The following SAMD12 variants were observed in gnomAD, a reference collection of about 807,000 sequenced individuals.
SAMD12 encodes the protein sterile alpha motif domain-containing protein 12.
Under a neutral mutation model 15.0 loss-of-function variants are expected in SAMD12, and 9 were observed. That is an observed-to-expected ratio of 0.60 (90% CI 0.36 to 1.05). The LOEUF (loss-of-function observed/expected upper bound fraction) is 1.05, where lower values mean the gene tolerates loss of function less well. Among genes scored for constraint, SAMD12 ranks in the 50% least tolerant of loss-of-function variants. SAMD12 has a pLI of 0.01. For missense variants in SAMD12, 230 were observed against 234.2 expected (o/e 0.98, Z 0.12); for synonymous variants, 86 against 90.1 (o/e 0.96, Z 0.25).
At chr8:118,226,418 A>G (rs1347123589) in intron 4 of SAMD12, among the ~76,000 whole-genome samples, 1 of 152,228 alleles carries the variant, frequency 6.6e-6, no homozygotes, top group African/African-American at 2.4e-5. Flanking sequence ...AACCAAAAGC[A>G]TCAGATGGAT....
chr8:118,410,171 A>G (rs1288610065), intron 3 of SAMD12, among the ~76,000 whole-genome samples: 4 of 152,196 alleles, frequency 2.6e-5, no homozygotes, highest in Non-Finnish European at 5.9e-5. Flanking sequence ...TACACATATT[A>G]AGGGTACATG....
At chr8:118,390,951 T>A (rs561406182) in intron 3 of SAMD12, among the ~76,000 whole-genome samples, 1 of 152,298 alleles carries the variant, frequency 6.6e-6, no homozygotes, top group African/African-American at 2.4e-5. Context: ...GGAATAACAT[T>A]AATTCCCACC....
intron 4 of SAMD12, among the ~76,000 whole-genome samples, chr8:118,255,207 TATTTC>T (rs1812907924): frequency 6.6e-6 from 1 of 152,034 alleles, no homozygotes; most frequent in Non-Finnish European, 1.5e-5. Context: ...CCTTACCCTT[TATTTC>T]ATAAGTTATG....
intron 2 of SAMD12, among the ~76,000 whole-genome samples, chr8:118,535,656 C>A (rs1825818375): frequency 6.6e-6 from 1 of 152,350 alleles, no homozygotes; most frequent in East Asian, 1.9e-4. Flanking sequence ...GGCGGGCGCC[C>A]CTCCCCCAGC....
chr8:118,606,151 C>A (rs899851064), intron 1 of SAMD12, among the ~76,000 whole-genome samples: 1 of 152,038 alleles, frequency 6.6e-6, no homozygotes, highest in Non-Finnish European at 1.5e-5. Flanking sequence ...ACCTTGGAGA[C>A]CCCCAAGATC....
the SAMD12 span, among the ~76,000 whole-genome samples, chr8:118,150,898 T>C: frequency 6.6e-6 from 1 of 152,100 alleles, no homozygotes; most frequent in African/African-American, 2.4e-5. Context: ...AAAGGTATTT[T>C]TTTGGAGTAT....
chr8:118,266,625 GTA>G (rs1813205562), intron 4 of SAMD12, among the ~76,000 whole-genome samples: 1 of 152,092 alleles, frequency 6.6e-6, no homozygotes, highest in South Asian at 2.1e-4. Context: ...AGAAAATGTG[GTA>G]TATATGCACA....
the SAMD12 span, among the ~76,000 whole-genome samples, chr8:118,169,497 T>C: frequency 2.6e-5 from 4 of 152,338 alleles, no homozygotes; most frequent in African/African-American, 9.6e-5. Context: ...TCTTTGTTCC[T>C]GTGGGAATAC....
intron 4 of SAMD12, among the ~76,000 whole-genome samples, chr8:118,255,883 C>T (rs1312252164): frequency 1.3e-5 from 2 of 152,026 alleles, no homozygotes; most frequent in Non-Finnish European, 2.9e-5. Context: ...AATGGGATGG[C>T]TGGGTCAAAT....
At chr8:118,498,884 T>C (rs1460835810) in intron 2 of SAMD12, among the ~76,000 whole-genome samples, 3 of 152,182 alleles carry the variant, frequency 2.0e-5, no homozygotes, top group Non-Finnish European at 1.5e-5. Context: ...TCAGACAGTA[T>C]AGTGTCTTGT....
intron 2 of SAMD12, among the ~76,000 whole-genome samples, chr8:118,510,597 C>T (rs1825052115): frequency 6.6e-6 from 1 of 152,144 alleles, no homozygotes; most frequent in Admixed American, 6.5e-5. Flanking sequence ...GCAACACCCT[C>T]CCCCAGGGTT....
intron 4 of SAMD12, among the ~76,000 whole-genome samples, chr8:118,312,907 G>T (rs1315848527): frequency 6.6e-6 from 1 of 152,116 alleles, no homozygotes; most frequent in Non-Finnish European, 1.5e-5. Context: ...TAGTTACCTT[G>T]ACTTGGTATT....
intron 2 of SAMD12, among the ~76,000 whole-genome samples, chr8:118,555,788 C>G (rs192240657): frequency 6.6e-6 from 1 of 152,264 alleles, no homozygotes; most frequent in Non-Finnish European, 1.5e-5. Flanking sequence ...GAGAAACAAA[C>G]CATCAGAAAG....
intron 4 of SAMD12, among the ~76,000 whole-genome samples, chr8:118,218,939 A>G (rs1812023734): frequency 6.6e-6 from 1 of 152,192 alleles, no homozygotes; most frequent in Non-Finnish European, 1.5e-5. Context: ...ACCAACATTT[A>G]ATAATTGGGA....
At chr8:118,425,464 C>T (rs1822203649) in intron 3 of SAMD12, among the ~76,000 whole-genome samples, 1 of 152,114 alleles carries the variant, frequency 6.6e-6, no homozygotes, top group South Asian at 2.1e-4. Context: ...CTGCTTGAGC[C>T]CAGGAGTTCA....
chr8:118,469,511 T>C (rs1823708052), intron 2 of SAMD12, among the ~76,000 whole-genome samples: 1 of 36 alleles, frequency 0.028, no homozygotes, highest in Non-Finnish European at 0.17. Flanking sequence ...TTTTATATAA[T>C]ATATAATATA....
chr8:118,478,588 C>T lies in SAMD12; in HGVS notation c.193-38627G>A, dbSNP rs190091836. ...GTTCCCCTTTCAGGGTTGTGGCAAG[C>T]GAGGCACAAATAAGTTAACTTAGCA... On this transcript the variant is annotated intron_variant, in intron 2 of 3. Transcript: ENST00000314727. Among the ~76,000 whole-genome samples, 247 of 152,322 alleles carry T rather than the reference C, an allele frequency of 1.6e-3. 2 individuals carry two copies. The highest frequency in any genetic ancestry group is 1.1e-3 in the Non-Finnish European group (73 of 68,024).
intron 4 of SAMD12, among the ~76,000 whole-genome samples, chr8:118,206,548 C>T (rs1210606581): frequency 6.6e-6 from 1 of 152,172 alleles, no homozygotes; most frequent in Admixed American, 6.5e-5. Flanking sequence ...GTATTAAACA[C>T]TAAAGTATCC....
intron 3 of SAMD12, among the ~76,000 whole-genome samples, chr8:118,411,342 G>C (rs1357329134): frequency 6.6e-6 from 1 of 152,138 alleles, no homozygotes; most frequent in African/African-American, 2.4e-5. Context: ...AGTAACAAAG[G>C]TTTTAATTAA....
Sources: gnomAD v4.1 joint callset for allele counts (sites outside exome capture counted in the v4.1 genomes callset) on GRCh38, gnomAD v4.1.1 for gene constraint, MANE v1.5 for transcripts, NCBI Gene and HGNC (gene_info 2026-07-23, HGNC 2026-07-21) for gene names.